SLC38A10: variants seen among roughly 807,000 people sequenced by gnomAD.
SLC38A10 encodes the protein solute carrier family 38 member 10, also known as Sodium-coupled neutral amino acid transporter 10.
SLC38A10 carries 53 observed loss-of-function variants against 81.0 expected under a neutral mutation model. The ratio of observed to expected loss-of-function variants is 0.65; its 90% CI spans 0.53 to 0.82. SLC38A10 has a LOEUF of 0.82. Ranked by LOEUF, SLC38A10 falls within the 40% of genes least tolerant of loss-of-function variation. SLC38A10 has a pLI of 0.00. For synonymous variants in SLC38A10, 665 were observed against 655.3 expected, an observed-to-expected ratio of 1.01 and a Z score of -0.23; for missense variants, 1,471 against 1,545.0, an observed-to-expected ratio of 0.95 and a Z score of 0.80.
Position 81,295,190 on chromosome 17 carries a change from T to G in SLC38A10, c.-269A>C. 7.8e-6 allele frequency: 2 copies of G among 257,802 alleles called. No individual in the cohort carries two copies. The highest frequency in any genetic ancestry group is 6.7e-6 in the Non-Finnish European group (1 of 149,652). 16.0% of individuals were successfully genotyped at this position (257,802 alleles called of 1,614,324 possible). On this transcript the variant is annotated 5_prime_UTR_variant, in exon 1 of 16. Coordinates refer to ENST00000374759, the MANE Select transcript of SLC38A10 (RefSeq NM_001037984.3). ...CCTGCGGCCGCCTCAGGGCCATGCG[T>G]CCCTCGCTCGGCCTCGCGGGCCGCC...
At chr17:81,269,832 A>G (rs1028296177) in intron 10 of SLC38A10, among the ~76,000 whole-genome samples, 1 of 151,210 alleles carries the variant, frequency 6.6e-6, no homozygotes, top group Non-Finnish European at 1.5e-5. Flanking sequence ...AAAAATACAA[A>G]ATTAGCCCGG....
At chr17:81,294,235 T>G (rs991986981) in intron 1 of SLC38A10, among the ~76,000 whole-genome samples, 1 of 152,162 alleles carries the variant, frequency 6.6e-6, no homozygotes, top group Admixed American at 6.5e-5. Context: ...TTCAGCATGT[T>G]GGTCAGGCAG....
chr17:81,274,413 A>T (rs779124898), intron 8 of SLC38A10, among the ~76,000 whole-genome samples: 1 of 152,228 alleles, frequency 6.6e-6, no homozygotes, highest in Non-Finnish European at 1.5e-5. Flanking sequence ...ACCGCCCCCA[A>T]TGTGGCTGCT....
At chr17:81,294,117 GC>G (rs1263971740) in intron 1 of SLC38A10, among the ~76,000 whole-genome samples, 3 of 152,182 alleles carry the variant, frequency 2.0e-5, no homozygotes, top group Admixed American at 6.5e-5. Context: ...TGAAACCTTC[GC>G]CTCCCAGGTT....
At chr17:81,290,566 G>T (rs1253948529) in intron 1 of SLC38A10, among the ~76,000 whole-genome samples, 1 of 152,172 alleles carries the variant, frequency 6.6e-6, no homozygotes, top group Non-Finnish European at 1.5e-5. Flanking sequence ...AAACTTTTAG[G>T]CCAGGGAACA....
Position 81,272,267 on chromosome 17 carries a change from G to C in SLC38A10, c.1024+249C>G, listed in dbSNP as rs8081979. ...GGCTGGTCTTGAACTCCCAACCTCA[G>C]GTGATCCACCCACCTCAACCTCCCA... On this transcript the variant is annotated intron_variant, in intron 9 of 15. Coordinates refer to ENST00000374759, the MANE Select transcript of SLC38A10 (RefSeq NM_001037984.3). Among the ~76,000 whole-genome samples the C allele has an allele frequency of 7.2e-3, 1,093 of 152,062 alleles. 14 individuals are homozygous for C. The highest frequency in any genetic ancestry group is 0.025 in the African/African-American group (1,036 of 41,470).
At chr17:81,294,048 C>G (rs1348616654) in intron 1 of SLC38A10, among the ~76,000 whole-genome samples, 1 of 151,854 alleles carries the variant, frequency 6.6e-6, no homozygotes, top group Non-Finnish European at 1.5e-5. Flanking sequence ...GAGTCTCCCT[C>G]TGTCGCCCAG....
Position 81,270,996 on chromosome 17 carries a change from C to A in SLC38A10, c.1053G>T (p.Ala351=), listed in dbSNP as rs758222332. The change falls in exon 10 of 16, where the codon GCG becomes GCT. Residue 351 remains alanine (A), a synonymous_variant. Transcript: ENST00000374759. The surrounding 1 kb of genome is among the most constrained non-coding windows in gnomAD (Gnocchi z 4.0). Reference sequence around the variant, plus strand: ...TGAAGCAGATGAGGCTTCCCATGGTCGCTCCTGTGAGGCCCAGGATGGTCT... The same window carrying A: ...TGAAGCAGATGAGGCTTCCCATGGTAGCTCCTGTGAGGCCCAGGATGGTCT... ...NVETILGLTG[A]TMGSLICFIC... The A allele has an allele frequency of 6.2e-7, 1 of 1,613,400 alleles. No individual in the cohort carries two copies. Among genetic ancestry groups the A allele is most frequent in the Non-Finnish European group, 8.5e-7 (1 of 1,179,998 alleles).
chr17:81,247,076 C>G lies in SLC38A10; in HGVS notation c.2066-15G>C, dbSNP rs1398824859. On this transcript the variant is annotated splice_polypyrimidine_tract_variant and intron_variant, in intron 14 of 15. Coordinates refer to ENST00000374759, the MANE Select transcript of SLC38A10 (RefSeq NM_001037984.3). ...CCTGCCAGCTTCTGGGTTTGGAAAG[C>G]ACACAGTCAGAGTGCCCGGGCTGCT... 4.5e-6 allele frequency: 7 copies of G among 1,570,438 alleles called. No homozygotes were observed. The Admixed American group carries it at 6.8e-5, about 15-fold the overall frequency.
At chr17:81,252,999 G>T in intron 12 of SLC38A10, 74 bp downstream of exon 12, 1 of 1,555,642 alleles carries the variant, frequency 6.4e-7, no homozygotes, top group Admixed American at 1.7e-5. Context: ...GAGCCACCCC[G>T]CAGGGTGTCC....
chr17:81,290,140 T>A (rs1239377887), intron 1 of SLC38A10, among the ~76,000 whole-genome samples: 1 of 152,206 alleles, frequency 6.6e-6, no homozygotes, highest in South Asian at 2.1e-4. Context: ...TTTAGCCACT[T>A]AAGTCCACAG....
rs2063272321 is a variant in SLC38A10 at position 81,286,928 on chromosome 17, G to T, written c.218-2033C>A. Reference sequence around the variant, plus strand: ...CAGGCACAACTCTCAACAGGGCAGGGTCTGGGGCTCAGAACAGCTTCATGA... The same window carrying T: ...CAGGCACAACTCTCAACAGGGCAGGTTCTGGGGCTCAGAACAGCTTCATGA... On this transcript the variant is annotated intron_variant, in intron 2 of 15. Transcript: ENST00000374759. This position sits in a 1 kb window ranked among gnomAD's most constrained non-coding sequence, Gnocchi z 6.0. Among the ~76,000 whole-genome samples, 3 of 152,206 alleles carry T rather than the reference G, an allele frequency of 2.0e-5. No homozygotes were observed. Among genetic ancestry groups the T allele is most frequent in the Admixed American group, 1.3e-4 (2 of 15,280 alleles).
intron 1 of SLC38A10, among the ~76,000 whole-genome samples, chr17:81,292,057 AACT>A (rs1567951458): frequency 6.6e-6 from 1 of 152,124 alleles, no homozygotes. Context: ...TTGTATGTCA[AACT>A]TCAATGTTTA....
At chr17:81,259,927 A>T (rs976487530) in intron 11 of SLC38A10, among the ~76,000 whole-genome samples, 7 of 152,232 alleles carry the variant, frequency 4.6e-5, no homozygotes, top group African/African-American at 7.2e-5. Flanking sequence ...CACGTGAGCA[A>T]CACTCAGAAA....
intron 8 of SLC38A10, among the ~76,000 whole-genome samples, chr17:81,275,562 T>A (rs958038335): frequency 1.3e-4 from 19 of 150,032 alleles, no homozygotes; most frequent in Admixed American, 4.6e-4. Flanking sequence ...TGAAACCCCA[T>A]CTCTACTAAA....
At chr17:81,251,910 GC>G (rs1356905560) in intron 13 of SLC38A10, 1 of 514,292 alleles carries the variant, frequency 1.9e-6, no homozygotes. Context: ...CCTGTCAGGC[GC>G]CCCCCGCGCC....
chr17:81,275,639 G>A (rs1037210129), intron 8 of SLC38A10, among the ~76,000 whole-genome samples: 3 of 146,442 alleles, frequency 2.0e-5, no homozygotes, highest in Non-Finnish European at 4.5e-5. Flanking sequence ...GGCTGAGGCA[G>A]GAGAATGGCG....
intron 3 of SLC38A10, among the ~76,000 whole-genome samples, 199 bp downstream of exon 3, chr17:81,284,651 G>C (rs1051733610): frequency 2.0e-5 from 3 of 152,182 alleles, no homozygotes; most frequent in Non-Finnish European, 2.9e-5. Context: ...CTGTTTACCA[G>C]GTTCTTGGAG....
chr17:81,276,019 T>C lies in SLC38A10; in HGVS notation c.862A>G (p.Met288Val). 2 of 1,613,758 alleles carry C rather than the reference T, an allele frequency of 1.2e-6. No individual in the cohort carries two copies. Among genetic ancestry groups the C allele is most frequent in the Non-Finnish European group, 1.7e-6 (2 of 1,180,014 alleles). ...MMSVAVGFPM[M>V]ILPCRQALST... ...AGGGCCTGCCTGCATGGCAGGATCA[T>C]CATGGGGAAGCCCACAGCCACTGAC... Residue 288 changes from methionine to valine, a missense_variant, in exon 8 of 16, where the codon ATG becomes GTG. Coordinates refer to ENST00000374759, the MANE Select transcript of SLC38A10 (RefSeq NM_001037984.3). The surrounding 1 kb of genome is among the most constrained non-coding windows in gnomAD (Gnocchi z 4.7).
Sources: gnomAD v4.1 joint callset for allele counts (sites outside exome capture counted in the v4.1 genomes callset) on GRCh38, gnomAD v4.1.1 for gene constraint, Gnocchi (gnomAD v3.1) non-coding constraint, MANE v1.5 for transcripts, NCBI Gene and HGNC (gene_info 2026-07-23, HGNC 2026-07-21) for gene names.